The following CHEK1 variants were observed in gnomAD, a reference collection of about 807,000 sequenced individuals.
CHEK1 encodes checkpoint kinase 1.
Under a neutral mutation model 60.2 loss-of-function variants are expected in CHEK1, and 32 were observed. The observed-to-expected ratio is 0.53, with a 90% CI of 0.40 to 0.71. The LOEUF (loss-of-function observed/expected upper bound fraction) is 0.71, where lower values mean the gene tolerates loss of function less well. Ranked by LOEUF, CHEK1 falls within the 30% of genes least tolerant of loss-of-function variation. The pLI is 0.00. For synonymous variants in CHEK1, 179 were observed against 187.2 expected, an observed-to-expected ratio of 0.96 and a Z score of 0.36; for missense variants, 399 against 564.6, an observed-to-expected ratio of 0.71 and a Z score of 2.97.
rs1487870567 is a variant in CHEK1, at chr11:125,625,642, G to A, written c.-391G>A. The A allele has an allele frequency of 5.0e-6, 3 of 595,286 alleles. No homozygotes were observed. Among genetic ancestry groups the A allele is most frequent in the Non-Finnish European group, 9.0e-6 (3 of 332,656 alleles). 36.9% of individuals were successfully genotyped at this position (595,286 alleles called of 1,614,324 possible). On this transcript the variant is annotated 5_prime_UTR_variant, in exon 1 of 13. Transcript: ENST00000438015. ...CCCCGCCTGGAAGCGCAGCGCGGTCGGTCGCGCGCCCCTGAGGCTTGGAGG... is the reference window on the plus strand; with the variant it reads ...CCCCGCCTGGAAGCGCAGCGCGGTCAGTCGCGCGCCCCTGAGGCTTGGAGG...
chr11:125,643,976 A>C lies in CHEK1; in HGVS notation c.923+76A>C, dbSNP rs139918358. The stretch of plus-strand genomic sequence containing the variant: ...GAATAATACATGTATGTGTTTTTTC[A>C]TAATAATCGACATTAACATAATACT... On this transcript the variant is annotated intron_variant, in intron 9 of 12. Transcript: ENST00000438015. 1.4e-4 allele frequency: 220 copies of C among 1,529,916 alleles called. No individual in the cohort carries two copies. In the East Asian group the frequency reaches 3.9e-3, roughly 27 times the overall value. The allele number at this position is 1,529,916 out of a possible 1,614,324, so 94.8% of individuals were successfully genotyped here.
chr11:125,639,681 T>C (rs1941209038), intron 8 of CHEK1, among the ~76,000 whole-genome samples: 1 of 152,096 alleles, frequency 6.6e-6, no homozygotes, highest in South Asian at 2.1e-4. Flanking sequence ...CCCTTAACTT[T>C]TATTATCTTC....
intron 13 of CHEK1, among the ~76,000 whole-genome samples, chr11:125,665,225 GTTT>G (rs71279470): frequency 8.3e-6 from 1 of 120,536 alleles, no homozygotes; most frequent in Admixed American, 8.2e-5. Context: ...CTCCAGCTTT[GTTT>G]TTTTTTTTTT....
At position 125,626,294 on chromosome 11, in the gene CHEK1, C is replaced by T. The variant is rs1293685110; in HGVS notation, c.-21+282C>T. 1.0e-5 allele frequency: 5 copies of T among 494,662 alleles called. No individual in the cohort carries two copies. The Middle Eastern group carries it at 1.6e-3, about 154-fold the overall frequency. The allele number at this position is 494,662 out of a possible 1,614,324, so 30.6% of individuals were successfully genotyped here. On this transcript the variant is annotated intron_variant, in intron 1 of 12. Coordinates refer to ENST00000438015, the MANE Select transcript of CHEK1 (RefSeq NM_001114122.3). The stretch of plus-strand genomic sequence containing the variant: ...TGGGGGCAGTTTGGCCCCGCCCCGG[C>T]CTTTGGGACGGGTGGGGCTGTGGAT...
chr11:125,652,610 C>T (rs1454360890), intron 11 of CHEK1, among the ~76,000 whole-genome samples: 2 of 152,078 alleles, frequency 1.3e-5, no homozygotes, highest in African/African-American at 4.8e-5. Flanking sequence ...CACACATACC[C>T]ACTGGGAGAA....
At chr11:125,680,945 C>A, downstream of CHEK1, 1 of 588,152 alleles carries the variant, frequency 1.7e-6, no homozygotes. Flanking sequence ...CTCTGAGGTT[C>A]TTGTGTAGCC....
chr11:125,635,107 A>T (rs1941016430), intron 6 of CHEK1, among the ~76,000 whole-genome samples: 1 of 152,030 alleles, frequency 6.6e-6, no homozygotes, highest in Non-Finnish European at 1.5e-5. Flanking sequence ...ACAGATGCAC[A>T]CCATCACGCC....
intron 1 of CHEK1, 121 bp from the exon 2 acceptor site, chr11:125,626,628 A>G: frequency 1.3e-6 from 1 of 772,476 alleles, no homozygotes; most frequent in Non-Finnish European, 2.2e-6. Flanking sequence ...AATGTGGATG[A>G]GATAGAAGGG....
rs1368225688 is a variant in CHEK1, at chr11:125,626,758, T to A, written c.-11T>A. On this transcript the variant is annotated 5_prime_UTR_variant, in exon 2 of 13. Coordinates refer to ENST00000438015, the MANE Select transcript of CHEK1 (RefSeq NM_001114122.3). ...TTCCTGCCTTTTACAGCCGAGGTGCTCGGTGGAGTCATGGCAGTGCCCTTT... is the reference window on the plus strand; with the variant it reads ...TTCCTGCCTTTTACAGCCGAGGTGCACGGTGGAGTCATGGCAGTGCCCTTT... 12 of 1,614,046 alleles carry A rather than the reference T, an allele frequency of 7.4e-6. No homozygotes were observed. The highest frequency in any genetic ancestry group is 8.5e-6 in the Non-Finnish European group (10 of 1,180,034).
At chr11:125,649,160 A>G (rs1348776860) in intron 11 of CHEK1, among the ~76,000 whole-genome samples, 2 of 152,098 alleles carry the variant, frequency 1.3e-5, no homozygotes, top group Non-Finnish European at 2.9e-5. Context: ...TATCCACATC[A>G]GCTCACCAGC....
Position 125,653,944 on chromosome 11 carries a change from G to T in CHEK1, c.1335+97G>T. 3 of 627,346 alleles carry T rather than the reference G, an allele frequency of 4.8e-6. No homozygotes were observed. Among genetic ancestry groups the T allele is most frequent in the South Asian group, 2.4e-5 (1 of 42,006 alleles). The allele number at this position is 627,346 out of a possible 1,614,324, so 38.9% of individuals were successfully genotyped here. A position where few individuals can be genotyped will look rare whatever the true frequency, so the allele number is the denominator to read the frequency against. ...TGTATATATGTGGCATTTGTAAATA[G>T]GTTACTTGCTTTTTTCGTTTAATAT... On this transcript the variant is annotated intron_variant, in intron 12 of 12. Coordinates refer to ENST00000438015, the MANE Select transcript of CHEK1 (RefSeq NM_001114122.3). This position sits in a 1 kb window ranked among gnomAD's most constrained non-coding sequence, Gnocchi z 4.3.
chr11:125,664,736 A>G (rs1942070376), intron 13 of CHEK1, among the ~76,000 whole-genome samples: 1 of 151,898 alleles, frequency 6.6e-6, no homozygotes, highest in Non-Finnish European at 1.5e-5. Flanking sequence ...TTGTCTCTTC[A>G]TTCCGATTTT....
In CHEK1 at chr11:125,625,866, C is replaced by A. The variant is rs1031346569; in HGVS notation, c.-167C>A. ...CTCCACGTCACCCTTTTGGAGCCGC[C>A]GACATTCAGAGGGGCAGGACACGGG... On this transcript the variant is annotated 5_prime_UTR_variant, in exon 1 of 13. Coordinates refer to ENST00000438015, the MANE Select transcript of CHEK1 (RefSeq NM_001114122.3). 15 of 702,644 alleles carry A rather than the reference C, an allele frequency of 2.1e-5. No individual in the cohort carries two copies. Among genetic ancestry groups the A allele is most frequent in the Non-Finnish European group, 2.6e-5 (10 of 385,018 alleles). 43.5% of individuals were successfully genotyped at this position (702,644 alleles called of 1,614,324 possible).
chr11:125,656,526 T>TTAG lies in CHEK1; in HGVS notation c.*1206_*1207insTAG. On this transcript the variant is annotated 3_prime_UTR_variant, in exon 13 of 13. Transcript: ENST00000438015. ...TAAATTCAAACCTGTTTTATTTATT[T>TTAG]GAACCTATTTACGGTATGCTTAAGA... The TTAG allele has an allele frequency of 4.6e-6, 1 of 215,160 alleles. No homozygotes were observed. The highest frequency in any genetic ancestry group is 9.4e-6 in the Non-Finnish European group (1 of 106,718). The allele number at this position is 215,160 out of a possible 1,614,324, so 13.3% of individuals were successfully genotyped here. A position where few individuals can be genotyped will look rare whatever the true frequency, so the allele number is the denominator to read the frequency against.
intron 7 of CHEK1, chr11:125,635,909 A>G (rs1284579145): frequency 1.2e-5 from 2 of 160,198 alleles, no homozygotes; most frequent in African/African-American, 4.8e-5. Context: ...AACATCATAG[A>G]GTATATTTAC....
intron 11 of CHEK1, among the ~76,000 whole-genome samples, chr11:125,646,815 G>T (rs982729814): frequency 1.3e-5 from 2 of 151,994 alleles, no homozygotes; most frequent in East Asian, 1.9e-4. Flanking sequence ...TGTTTTTATT[G>T]TTGAGTTGTT....
chr11:125,658,081 T>C (rs1382630689), downstream of CHEK1, among the ~76,000 whole-genome samples: 1 of 152,172 alleles, frequency 6.6e-6, no homozygotes, highest in Non-Finnish European at 1.5e-5. Context: ...TGTTTTTTTT[T>C]CCTTTGAGAC....
At chr11:125,629,746 C>T (rs1940791191) in intron 5 of CHEK1, among the ~76,000 whole-genome samples, 1 of 150,704 alleles carries the variant, frequency 6.6e-6, no homozygotes, top group African/African-American at 2.4e-5. Context: ...TTTTTTGATA[C>T]AGGCTCACTG....
intron 1 of CHEK1, chr11:125,626,237 CAAGG>C: frequency 3.5e-6 from 2 of 576,080 alleles, no homozygotes; most frequent in Non-Finnish European, 6.2e-6. Context: ...CTAAGAACCC[CAAGG>C]AAGAGTCCCA....
Sources: gnomAD v4.1 joint callset for allele counts (sites outside exome capture counted in the v4.1 genomes callset) on GRCh38, gnomAD v4.1.1 for gene constraint, Gnocchi (gnomAD v3.1) non-coding constraint, MANE v1.5 for transcripts, NCBI Gene and HGNC (gene_info 2026-07-23, HGNC 2026-07-21) for gene names.